The following NBEA variants were observed in gnomAD, a reference collection of about 807,000 sequenced individuals.
NBEA encodes lysosomal-trafficking regulator 2.
Under a neutral mutation model 343.4 loss-of-function variants are expected in NBEA, and 44 were observed. The ratio of observed to expected loss-of-function variants is 0.13; its 90% CI spans 0.10 to 0.16. NBEA has a LOEUF of 0.16. Ranked by LOEUF, NBEA falls within the 10% of genes least tolerant of loss-of-function variation. The pLI, the probability that NBEA is intolerant of heterozygous loss-of-function variation, is 1.00. For missense variants in NBEA, 2,555 were observed against 3,631.3 expected (o/e 0.70, Z 7.62); for synonymous variants, 1,175 against 1,238.7 (o/e 0.95, Z 1.08).
chr13:35,399,205 T>G (rs1400668277), intron 38 of NBEA, among the ~76,000 whole-genome samples: 1 of 152,174 alleles, frequency 6.6e-6, no homozygotes, highest in Admixed American at 6.6e-5. Context: ...TTGTGACTGT[T>G]GTGATCTATC....
intron 1 of NBEA, among the ~76,000 whole-genome samples, chr13:34,958,892 C>T (rs1191208814): frequency 1.3e-5 from 2 of 152,028 alleles, no homozygotes; most frequent in African/African-American, 4.8e-5. Flanking sequence ...TCAGGATCAC[C>T]ATGAATATGG....
Position 34,966,024 on chromosome 13 carries a change from C to G in NBEA, c.294+22910C>G, listed in dbSNP as rs930333345. Among the ~76,000 whole-genome samples the G allele has an allele frequency of 2.0e-5, 3 of 151,914 alleles. No homozygotes were observed. The East Asian group carries it at 5.8e-4, about 29-fold the overall frequency. On this transcript the variant is annotated intron_variant, in intron 1 of 58. Coordinates refer to ENST00000379939, the MANE Select transcript of NBEA (RefSeq NM_001385012.1). ...AAAGGTATACATCAATTATGAGTTA[C>G]ATGTTTATTTCAGAAATGTTAAATA...
chr13:35,140,801 T>C (rs993746420), intron 17 of NBEA, among the ~76,000 whole-genome samples: 11 of 152,182 alleles, frequency 7.2e-5, no homozygotes, highest in African/African-American at 2.7e-4. Flanking sequence ...AACTGATAAA[T>C]AATGAAATTC....
In NBEA at chr13:34,985,259, A is replaced by G. The variant is rs1285985629; in HGVS notation, c.294+42145A>G. Among the ~76,000 whole-genome samples, 6 of 151,066 alleles carry G rather than the reference A, an allele frequency of 4.0e-5. No individual in the cohort carries two copies. In the South Asian group the frequency reaches 1.1e-3, roughly 27 times the overall value. On this transcript the variant is annotated intron_variant, in intron 1 of 58. Coordinates refer to ENST00000379939, the MANE Select transcript of NBEA (RefSeq NM_001385012.1). ...AGTTTTTAGCATCAAAGGCTGTTGC[A>G]TTTTGTTGAAGGCCTTTTCTACGTC...
At chr13:35,227,375 T>C (rs537555237) in intron 33 of NBEA, among the ~76,000 whole-genome samples, 120 of 152,224 alleles carry the variant, frequency 7.9e-4, no homozygotes, top group Non-Finnish European at 1.4e-3. Context: ...AATTTAACTT[T>C]ACAATGTGTG....
chr13:35,258,841 G>T (rs1337459365), intron 34 of NBEA, among the ~76,000 whole-genome samples: 1 of 152,120 alleles, frequency 6.6e-6, no homozygotes, highest in Non-Finnish European at 1.5e-5. Context: ...CTGTACTTCA[G>T]TACAGCATTC....
At chr13:35,137,283 T>C (rs1210913213) in intron 17 of NBEA, among the ~76,000 whole-genome samples, 1 of 152,126 alleles carries the variant, frequency 6.6e-6, no homozygotes, top group Admixed American at 6.5e-5. Flanking sequence ...ACCCCGTCTC[T>C]ACTAAAAATA....
At chr13:35,591,537 TC>T (rs1004372492) in intron 46 of NBEA, among the ~76,000 whole-genome samples, 1 of 152,054 alleles carries the variant, frequency 6.6e-6, no homozygotes, top group African/African-American at 2.4e-5. Flanking sequence ...ATCAATACTG[TC>T]CCCCTTACTT....
rs563372623 is a variant in NBEA, at chr13:35,353,952, G to A, written c.6179+1629G>A. ...GACAGGCTGGCAGGCTAGAAACTCC[G>A]GCAAGATTTCTGTGTTACAGTCTTG... On this transcript the variant is annotated intron_variant, in intron 38 of 58. Transcript: ENST00000379939. Among the ~76,000 whole-genome samples the A allele has an allele frequency of 5.7e-4, 86 of 152,212 alleles. 1 individual carries two copies. The highest frequency in any genetic ancestry group is 1.9e-3 in the African/African-American group (80 of 41,550).
chr13:35,633,468 C>T (rs1002268056), intron 49 of NBEA, among the ~76,000 whole-genome samples: 1 of 151,100 alleles, frequency 6.6e-6, no homozygotes, highest in Non-Finnish European at 1.5e-5. Context: ...GAGACCGAGG[C>T]GGGTGGATCA....
At chr13:35,328,361 T>C (rs2038711269) in intron 36 of NBEA, among the ~76,000 whole-genome samples, 1 of 151,280 alleles carries the variant, frequency 6.6e-6, no homozygotes, top group Non-Finnish European at 1.5e-5. Flanking sequence ...GCCAAAAAAA[T>C]AAAAATAAAT....
At chr13:35,430,033 C>G (rs574310577) in intron 38 of NBEA, among the ~76,000 whole-genome samples, 1 of 152,300 alleles carries the variant, frequency 6.6e-6, no homozygotes, top group African/African-American at 2.4e-5. Context: ...TTGAAGGAAT[C>G]TCCACACTGT....
At chr13:35,142,965 A>G (rs1314707614) in intron 18 of NBEA, among the ~76,000 whole-genome samples, 1 of 152,182 alleles carries the variant, frequency 6.6e-6, no homozygotes, top group African/African-American at 2.4e-5. Context: ...TTTAAATGCT[A>G]GTAAAATGTT....
chr13:35,092,483 T>C (rs1181499910), intron 10 of NBEA, among the ~76,000 whole-genome samples: 1 of 152,034 alleles, frequency 6.6e-6, no homozygotes, highest in Non-Finnish European at 1.5e-5. Context: ...AAAGGATTTA[T>C]GTCAAGAATA....
At chr13:35,411,685 A>G (rs1470910822) in intron 38 of NBEA, among the ~76,000 whole-genome samples, 1 of 151,788 alleles carries the variant, frequency 6.6e-6, no homozygotes, top group East Asian at 1.9e-4. Context: ...TTTTGTAGAT[A>G]AAGGGTCATA....
At chr13:35,043,931 C>T (rs1428991839) in intron 2 of NBEA, among the ~76,000 whole-genome samples, 1 of 151,732 alleles carries the variant, frequency 6.6e-6, no homozygotes, top group Admixed American at 6.6e-5. Context: ...TTTGTAATAA[C>T]CTTTGTAGTA....
At chr13:35,668,880 G>A (rs966455554) in intron 58 of NBEA, among the ~76,000 whole-genome samples, 3 of 152,150 alleles carry the variant, frequency 2.0e-5, no homozygotes, top group Non-Finnish European at 4.4e-5. Context: ...TTTCAGCAGA[G>A]GTGGGATTCA....
chr13:35,482,291 T>G (rs1164426431), intron 41 of NBEA, among the ~76,000 whole-genome samples: 1 of 151,514 alleles, frequency 6.6e-6, no homozygotes, highest in Non-Finnish European at 1.5e-5. Context: ...AAGAAGGAAA[T>G]TAGTTTATAA....
chr13:35,099,953 CAGTT>C (rs753791625), intron 11 of NBEA, among the ~76,000 whole-genome samples: 23 of 152,180 alleles, frequency 1.5e-4, no homozygotes, highest in Non-Finnish European at 2.5e-4. Flanking sequence ...CTTTTCTTAT[CAGTT>C]AGTTAACTCT....
Sources: allele counts gnomAD v4.1 joint callset (sites outside exome capture counted in the v4.1 genomes callset), GRCh38; gene constraint gnomAD v4.1.1; transcripts MANE v1.5; gene names NCBI Gene and HGNC (gene_info 2026-07-23, HGNC 2026-07-21).